TMEM117: variants seen among roughly 807,000 people sequenced by gnomAD.
TMEM117 encodes transmembrane protein 117.
A neutral mutation model predicts 52.4 loss-of-function variants in TMEM117; 27 were observed. That is an observed-to-expected ratio of 0.51 (90% CI 0.38 to 0.71). The LOEUF is 0.71. Ranked by LOEUF, TMEM117 falls within the 30% of genes least tolerant of loss-of-function variation. TMEM117 has a pLI of 0.00. For missense variants in TMEM117, 556 were observed against 630.5 expected, an observed-to-expected ratio of 0.88 and a Z score of 1.26; for synonymous variants, 215 against 206.3, an observed-to-expected ratio of 1.04 and a Z score of -0.36.
At chr12:43,937,663 A>G (rs1944974718) in intron 2 of TMEM117, among the ~76,000 whole-genome samples, 1 of 152,222 alleles carries the variant, frequency 6.6e-6, no homozygotes. Context: ...GAGGGCAACT[A>G]TAATAGGACC....
chr12:43,813,678 AAAG>A, the TMEM117 span, among the ~76,000 whole-genome samples: 6 of 152,034 alleles, frequency 3.9e-5, no homozygotes, highest in Admixed American at 3.3e-4. Context: ...CTACACTCTC[AAAG>A]AAGCTCATTT....
chr12:43,843,812 A>T (rs370290692), intron 1 of TMEM117, among the ~76,000 whole-genome samples: 14 of 152,214 alleles, frequency 9.2e-5, no homozygotes, highest in East Asian at 5.8e-4. Context: ...TATTTCATAG[A>T]ACTTACTCTC....
intron 2 of TMEM117, among the ~76,000 whole-genome samples, chr12:43,862,661 A>G (rs1213700525): frequency 6.6e-6 from 1 of 152,224 alleles, no homozygotes; most frequent in Non-Finnish European, 1.5e-5. Flanking sequence ...GAGCTGTGAC[A>G]GAAAATGCCT....
At chr12:44,264,810 A>G (rs1307787463) in intron 5 of TMEM117, among the ~76,000 whole-genome samples, 1 of 152,168 alleles carries the variant, frequency 6.6e-6, no homozygotes, top group African/African-American at 2.4e-5. Flanking sequence ...AGAATTGAAA[A>G]TAAATAATAA....
intron 3 of TMEM117, among the ~76,000 whole-genome samples, chr12:44,134,876 T>C (rs912970201): frequency 6.6e-6 from 1 of 152,154 alleles, no homozygotes; most frequent in African/African-American, 2.4e-5. Context: ...ACAGTGATTC[T>C]TAGGAAGCAA....
chr12:44,016,524 A>AT (rs1056571600), intron 3 of TMEM117, among the ~76,000 whole-genome samples: 4 of 151,840 alleles, frequency 2.6e-5, no homozygotes, highest in South Asian at 2.1e-4. Flanking sequence ...GGATTATTTA[A>AT]TTTTTTTTCT....
At chr12:43,981,599 T>G (rs1419126901) in intron 3 of TMEM117, among the ~76,000 whole-genome samples, 2 of 152,198 alleles carry the variant, frequency 1.3e-5, no homozygotes, top group Non-Finnish European at 2.9e-5. Context: ...AGATTTCTGC[T>G]TTGAGTGATT....
chr12:44,381,331 C>T (rs924848487), intron 7 of TMEM117, among the ~76,000 whole-genome samples: 1 of 152,146 alleles, frequency 6.6e-6, no homozygotes, highest in Non-Finnish European at 1.5e-5. Context: ...TCTTCTCTGC[C>T]CTCTTCCCCT....
intron 3 of TMEM117, among the ~76,000 whole-genome samples, chr12:44,065,609 ACT>A (rs1947210315): frequency 6.6e-6 from 1 of 152,178 alleles, no homozygotes; most frequent in East Asian, 1.9e-4. Flanking sequence ...CAAAATCAAA[ACT>A]CCACCAAATC....
intron 5 of TMEM117, among the ~76,000 whole-genome samples, chr12:44,237,034 A>G (rs1950005411): frequency 6.6e-6 from 1 of 152,032 alleles, no homozygotes; most frequent in Non-Finnish European, 1.5e-5. Context: ...GTCCCTTCCA[A>G]GCAGAACTAG....
intron 3 of TMEM117, among the ~76,000 whole-genome samples, chr12:43,990,169 T>C (rs1945914698): frequency 1.3e-5 from 2 of 152,274 alleles, no homozygotes; most frequent in South Asian, 4.1e-4. Flanking sequence ...ATTAGAGCAA[T>C]GGATCATCAT....
At chr12:43,804,617 A>C in the TMEM117 span, 1 of 1,337,668 alleles carries the variant, frequency 7.5e-7, no homozygotes. Flanking sequence ...ACTTACATAT[A>C]AATACTTTCC....
chr12:44,353,801 A>G (rs555612851), intron 6 of TMEM117, among the ~76,000 whole-genome samples: 2 of 152,276 alleles, frequency 1.3e-5, no homozygotes, highest in Non-Finnish European at 2.9e-5. Context: ...GTTCCATATG[A>G]ACTTCAAAGT....
chr12:44,359,585 A>G (rs1348553628), intron 6 of TMEM117, among the ~76,000 whole-genome samples: 1 of 152,072 alleles, frequency 6.6e-6, no homozygotes, highest in Non-Finnish European at 1.5e-5. Context: ...ACCAAAAGGC[A>G]GTTTCCACAT....
chr12:44,311,867 GTATATATATGTATATA>G lies in TMEM117; in HGVS notation c.768+12130_768+12145del, dbSNP rs1565701865. The stretch of plus-strand genomic sequence containing the variant: ...TATATATGTATATATGTATATATAT[GTATATATATGTATATA>G]TGTATATATATGTGTATATATATAT... On this transcript the variant is annotated intron_variant, in intron 6 of 7. Coordinates refer to ENST00000266534, the MANE Select transcript of TMEM117 (RefSeq NM_032256.3). Among the ~76,000 whole-genome samples, 10 of 112,446 alleles carry G rather than the reference GTATATATATGTATATA, an allele frequency of 8.9e-5. 1 individual carries two copies. Among genetic ancestry groups the G allele is most frequent in the East Asian group, 6.4e-4 (3 of 4,668 alleles). 73.8% of individuals were successfully genotyped at this position (112,446 alleles called of 152,430 possible). A position where few individuals can be genotyped will look rare whatever the true frequency, so the allele number is the denominator to read the frequency against.
rs1949846077 is a variant in TMEM117, at chr12:44,225,269, A to G, written c.608+13882A>G. ...CTCTTGTAATATACCATGAAGTAAC[A>G]TAGTGCTTAATGAAATGAAATTTGA... On this transcript the variant is annotated intron_variant, in intron 5 of 7. Coordinates refer to ENST00000266534, the MANE Select transcript of TMEM117 (RefSeq NM_032256.3). Among the ~76,000 whole-genome samples the G allele has an allele frequency of 2.0e-5, 3 of 152,314 alleles. No individual in the cohort carries two copies. The South Asian group carries it at 6.2e-4, about 32-fold the overall frequency.
intron 6 of TMEM117, among the ~76,000 whole-genome samples, chr12:44,371,569 C>T (rs1435734207): frequency 2.0e-5 from 3 of 152,114 alleles, no homozygotes; most frequent in Non-Finnish European, 4.4e-5. Context: ...TAATCAGTAT[C>T]ATTACATTTT....
the TMEM117 span, among the ~76,000 whole-genome samples, chr12:43,811,088 CA>C: frequency 6.6e-6 from 1 of 152,120 alleles, no homozygotes; most frequent in Non-Finnish European, 1.5e-5. Context: ...TATTCCTTAA[CA>C]AAACAACTAA....
chr12:43,866,838 C>A (rs1943608949), intron 2 of TMEM117, among the ~76,000 whole-genome samples: 1 of 152,156 alleles, frequency 6.6e-6, no homozygotes, highest in Non-Finnish European at 1.5e-5. Context: ...CGCCTGTAAT[C>A]CCAACACTTT....
Sources: allele counts gnomAD v4.1 joint callset (sites outside exome capture counted in the v4.1 genomes callset), GRCh38; gene constraint gnomAD v4.1.1; transcripts MANE v1.5; gene names NCBI Gene and HGNC (gene_info 2026-07-23, HGNC 2026-07-21).